Variants in LRP1B observed in about 807,000 individuals in gnomAD.
LRP1B encodes low-density lipoprotein receptor-related protein 1B.
Under a neutral mutation model 556.6 loss-of-function variants are expected in LRP1B, and 217 were observed. That is an observed-to-expected ratio of 0.39 (90% CI 0.35 to 0.44). The LOEUF (loss-of-function observed/expected upper bound fraction) is 0.44, where lower values mean the gene tolerates loss of function less well. Among genes scored for constraint, LRP1B ranks in the 20% least tolerant of loss-of-function variants. The pLI, the probability that LRP1B is intolerant of heterozygous loss-of-function variation, is 1.00. For synonymous variants in LRP1B, 2,047 were observed against 1,865.8 expected (o/e 1.10, Z -2.50); for missense variants, 5,053 against 5,620.8 (o/e 0.90, Z 3.23).
At chr2:140,722,465 A>G (rs1387469125) in intron 35 of LRP1B, among the ~76,000 whole-genome samples, 1 of 152,128 alleles carries the variant, frequency 6.6e-6, no homozygotes, top group East Asian at 1.9e-4. Context: ...ACTTTTTTCA[A>G]CTATTGTTGA....
At chr2:140,557,636 C>T (rs1680781727) in intron 43 of LRP1B, among the ~76,000 whole-genome samples, 1 of 152,262 alleles carries the variant, frequency 6.6e-6, no homozygotes, top group Middle Eastern at 3.4e-3. Context: ...ACAAATGCAT[C>T]AGGATTATGC....
At chr2:140,331,781 C>T (rs554666305) in intron 79 of LRP1B, among the ~76,000 whole-genome samples, 94 of 151,288 alleles carry the variant, frequency 6.2e-4, no homozygotes, top group African/African-American at 2.2e-3. Flanking sequence ...CTACAATTTC[C>T]GCCTCCTGGG....
chr2:140,450,512 G>A (rs2105313517), intron 63 of LRP1B, 56 bp downstream of exon 63: 3 of 1,327,344 alleles, frequency 2.3e-6, no homozygotes, highest in South Asian at 2.5e-5. Context: ...AATTTTCCAG[G>A]TCTGGGATAT....
intron 11 of LRP1B, among the ~76,000 whole-genome samples, chr2:141,026,122 A>C (rs1400926523): frequency 1.3e-5 from 2 of 152,050 alleles, no homozygotes; most frequent in Non-Finnish European, 1.5e-5. Flanking sequence ...ACAATATATC[A>C]CACCTATTCT....
At chr2:141,197,315 A>G (rs1681796064) in intron 6 of LRP1B, among the ~76,000 whole-genome samples, 1 of 152,094 alleles carries the variant, frequency 6.6e-6, no homozygotes, top group Non-Finnish European at 1.5e-5. Context: ...TGGTGCCTGA[A>G]GTCTCTAAAT....
chr2:141,412,806 A>G (rs1690902973), intron 3 of LRP1B, among the ~76,000 whole-genome samples: 1 of 152,170 alleles, frequency 6.6e-6, no homozygotes, highest in Admixed American at 6.5e-5. Context: ...CCAAAATTAC[A>G]CAACTCCAAT....
At chr2:140,422,056 G>A (rs1429126510) in intron 66 of LRP1B, among the ~76,000 whole-genome samples, 2 of 152,156 alleles carry the variant, frequency 1.3e-5, no homozygotes, top group African/African-American at 4.8e-5. Context: ...AGGAGGGAAG[G>A]TAGTACGGAC....
At chr2:141,842,102 G>A (rs1245735333) in intron 1 of LRP1B, among the ~76,000 whole-genome samples, 1 of 151,986 alleles carries the variant, frequency 6.6e-6, no homozygotes, top group Non-Finnish European at 1.5e-5. Context: ...CTAACTGGAC[G>A]ACTGTCATTT....
chr2:141,384,679 A>G (rs2104893752), intron 3 of LRP1B, among the ~76,000 whole-genome samples: 1 of 151,934 alleles, frequency 6.6e-6, no homozygotes, highest in South Asian at 2.1e-4. Context: ...GGGAAATAAC[A>G]CTCCCTTGAA....
chr2:141,893,032 T>C (rs1699338670), intron 1 of LRP1B, among the ~76,000 whole-genome samples: 1 of 152,212 alleles, frequency 6.6e-6, no homozygotes, highest in African/African-American at 2.4e-5. Context: ...GAAAATACTG[T>C]ACTGGACACA....
intron 3 of LRP1B, among the ~76,000 whole-genome samples, chr2:141,380,495 C>T (rs539216278): frequency 2.6e-5 from 4 of 152,326 alleles, no homozygotes; most frequent in African/African-American, 9.6e-5. Context: ...GATTATACAT[C>T]TGCCTCCTGC....
chr2:140,490,241 A>G (rs1335568739), intron 57 of LRP1B, among the ~76,000 whole-genome samples: 2 of 152,120 alleles, frequency 1.3e-5, no homozygotes, highest in Non-Finnish European at 2.9e-5. Context: ...GACACTGTTC[A>G]AATTGAATTG....
intron 2 of LRP1B, among the ~76,000 whole-genome samples, chr2:141,541,471 A>G (rs1036858256): frequency 1.3e-5 from 2 of 152,004 alleles, no homozygotes; most frequent in Admixed American, 6.6e-5. Flanking sequence ...ACCAAATCCA[A>G]TGTCCAGCGT....
At chr2:141,648,896 A>C (rs1256780193) in intron 2 of LRP1B, among the ~76,000 whole-genome samples, 5 of 152,196 alleles carry the variant, frequency 3.3e-5, no homozygotes, top group Non-Finnish European at 1.5e-5. Context: ...GATCTGCCTG[A>C]AATTGTTTCT....
At chr2:141,084,621 G>A (rs1700002790) in intron 7 of LRP1B, among the ~76,000 whole-genome samples, 1 of 150,016 alleles carries the variant, frequency 6.7e-6, no homozygotes, top group African/African-American at 2.4e-5. Flanking sequence ...TTATCATTTT[G>A]TGTGAGTCTT....
At chr2:140,911,073 G>C (rs1006319722) in intron 21 of LRP1B, among the ~76,000 whole-genome samples, 7 of 151,772 alleles carry the variant, frequency 4.6e-5, no homozygotes, top group African/African-American at 1.7e-4. Flanking sequence ...TACATTAAAG[G>C]TATATGCTTG....
At chr2:141,818,893 A>T (rs1696659200) in intron 1 of LRP1B, among the ~76,000 whole-genome samples, 1 of 151,638 alleles carries the variant, frequency 6.6e-6, no homozygotes, top group East Asian at 2.0e-4. Flanking sequence ...TTCCTATCTA[A>T]CACATTTCTA....
chr2:140,725,381 A>G (rs1391432488), intron 35 of LRP1B, among the ~76,000 whole-genome samples: 2 of 151,934 alleles, frequency 1.3e-5, no homozygotes, highest in African/African-American at 4.8e-5. Context: ...ATATAAAATC[A>G]CTCATATAAA....
chr2:141,137,363 C>G (rs780844522), intron 7 of LRP1B, among the ~76,000 whole-genome samples: 2 of 151,878 alleles, frequency 1.3e-5, no homozygotes, highest in African/African-American at 2.4e-5. Context: ...ACTTCCTGGA[C>G]TTTAAAGACC....
Sources: allele counts gnomAD v4.1 joint callset (sites outside exome capture counted in the v4.1 genomes callset), GRCh38; gene constraint gnomAD v4.1.1; transcripts MANE v1.5; gene names NCBI Gene and HGNC (gene_info 2026-07-23, HGNC 2026-07-21).